The following PCED1B variants were observed in gnomAD, a reference collection of about 807,000 sequenced individuals.
PCED1B encodes PC-esterase domain-containing protein 1B.
For synonymous variants in PCED1B, 251 were observed against 246.1 expected, an observed-to-expected ratio of 1.02 and a Z score of -0.19; for missense variants, 573 against 573.9, an observed-to-expected ratio of 1.00 and a Z score of 0.02.
intron 2 of PCED1B, among the ~76,000 whole-genome samples, chr12:47,126,013 T>C (rs1012409701): frequency 9.2e-5 from 14 of 152,068 alleles, no homozygotes; most frequent in Admixed American, 8.5e-4. Context: ...TTTTTTCTTA[T>C]TGCATTGCTT....
chr12:47,199,863 T>C (rs1342368439), intron 2 of PCED1B, among the ~76,000 whole-genome samples: 3 of 152,184 alleles, frequency 2.0e-5, no homozygotes, highest in Non-Finnish European at 4.4e-5. Context: ...AAAGAAAAAT[T>C]GATAAGTGAG....
intron 2 of PCED1B, among the ~76,000 whole-genome samples, chr12:47,194,744 A>G (rs1412475787): frequency 1.3e-5 from 2 of 152,206 alleles, no homozygotes; most frequent in Non-Finnish European, 2.9e-5. Context: ...TGCTATTTAA[A>G]GAACAGACCT....
rs57346456 is a variant in PCED1B at position 47,154,779 on chromosome 12, A to G, written c.-526+50584A>G. The stretch of plus-strand genomic sequence containing the variant: ...GTAGGACAGAGGGGTGTGTGTGTGC[A>G]TGTGTGTGTGTGTGTGTGTGTGTGT... On this transcript the variant is annotated intron_variant, in intron 2 of 3. Coordinates refer to ENST00000546455, the MANE Select transcript of PCED1B (RefSeq NM_138371.3). Among the ~76,000 whole-genome samples, 380 of 146,722 alleles carry G rather than the reference A, an allele frequency of 2.6e-3. 1 individual carries two copies. Among genetic ancestry groups the G allele is most frequent in the Middle Eastern group, 0.011 (3 of 278 alleles).
At chr12:47,181,981 G>C (rs900763925) in intron 2 of PCED1B, among the ~76,000 whole-genome samples, 3 of 152,194 alleles carry the variant, frequency 2.0e-5, no homozygotes, top group Non-Finnish European at 2.9e-5. Flanking sequence ...AAGGCTGAAG[G>C]CTTCACAAAC....
At chr12:47,101,289 G>A (rs916738959) in intron 1 of PCED1B, among the ~76,000 whole-genome samples, 1 of 152,130 alleles carries the variant, frequency 6.6e-6, no homozygotes, top group East Asian at 1.9e-4. Flanking sequence ...TGGGGAGTGG[G>A]CAAGAGCACT....
intron 2 of PCED1B, among the ~76,000 whole-genome samples, chr12:47,125,355 A>C (rs1939842913): frequency 6.6e-6 from 1 of 151,894 alleles, no homozygotes; most frequent in African/African-American, 2.4e-5. Flanking sequence ...TGGTCTTGCT[A>C]TTCTGTTCTA....
At chr12:47,196,722 G>A (rs1246773857) in intron 2 of PCED1B, among the ~76,000 whole-genome samples, 1 of 152,106 alleles carries the variant, frequency 6.6e-6, no homozygotes, top group Admixed American at 6.6e-5. Flanking sequence ...CAGCTACTCA[G>A]GAGTTTGAGG....
At chr12:47,207,676 G>GTCC (rs1341046427) in intron 2 of PCED1B, among the ~76,000 whole-genome samples, 1 of 152,212 alleles carries the variant, frequency 6.6e-6, no homozygotes. Flanking sequence ...ACACAAATAT[G>GTCC]TAAGTATGCA....
chr12:47,222,083 A>G (rs1943493014), intron 3 of PCED1B, among the ~76,000 whole-genome samples: 1 of 144,846 alleles, frequency 6.9e-6, no homozygotes, highest in Non-Finnish European at 1.5e-5. Flanking sequence ...AGCCTGGGTG[A>G]CAGAGTGAGA....
chr12:47,217,456 GA>G (rs1422117062), intron 3 of PCED1B, among the ~76,000 whole-genome samples: 1 of 40,466 alleles, frequency 2.5e-5, no homozygotes, highest in Non-Finnish European at 4.2e-5. Flanking sequence ...AAGAAAGAAA[GA>G]AAAAGAAAGA....
At chr12:47,122,528 C>T (rs1939723026) in intron 2 of PCED1B, among the ~76,000 whole-genome samples, 1 of 152,198 alleles carries the variant, frequency 6.6e-6, no homozygotes, top group Non-Finnish European at 1.5e-5. Flanking sequence ...AAACATCTTG[C>T]AGCTGCTTAA....
intron 3 of PCED1B, among the ~76,000 whole-genome samples, chr12:47,217,477 A>AAAAAG (rs1491125026): frequency 0.022 from 2,454 of 110,620 alleles, 159 homozygotes; most frequent in East Asian, 0.06. Context: ...AAAGAGAAAG[A>AAAAAG]AAGAAAGAAA....
chr12:47,149,924 A>G (rs1294828335), intron 2 of PCED1B, among the ~76,000 whole-genome samples: 2 of 152,200 alleles, frequency 1.3e-5, no homozygotes, highest in Non-Finnish European at 2.9e-5. Context: ...AACAGCTAAA[A>G]CATCTTAAGA....
chr12:47,208,170 G>A lies in PCED1B; in HGVS notation c.-525-8052G>A, dbSNP rs139684189. On this transcript the variant is annotated intron_variant, in intron 2 of 3. Coordinates refer to ENST00000546455, the MANE Select transcript of PCED1B (RefSeq NM_138371.3). Reference sequence around the variant, plus strand: ...CTCTGAACCGGCTGCCCTTAGACACGTGCCTGAACTCAAAGCAGTCATACT... The same window carrying A: ...CTCTGAACCGGCTGCCCTTAGACACATGCCTGAACTCAAAGCAGTCATACT... Among the ~76,000 whole-genome samples the A allele has an allele frequency of 7.0e-4, 106 of 152,222 alleles. 4 individuals are homozygous for A. Among genetic ancestry groups the A allele is most frequent in the East Asian group, 5.8e-3 (30 of 5,180 alleles).
At chr12:47,105,114 G>A (rs1242613687) in intron 2 of PCED1B, among the ~76,000 whole-genome samples, 2 of 152,204 alleles carry the variant, frequency 1.3e-5, no homozygotes, top group Non-Finnish European at 2.9e-5. Flanking sequence ...TTCAGGCTGT[G>A]GACCTTACAA....
chr12:47,104,706 A>G (rs1378924963), intron 2 of PCED1B, among the ~76,000 whole-genome samples: 1 of 152,184 alleles, frequency 6.6e-6, no homozygotes, highest in African/African-American at 2.4e-5. Context: ...TCTTCTAATT[A>G]CTCTAAAAAG....
At chr12:47,231,613 G>A (rs1230824210) in intron 3 of PCED1B, among the ~76,000 whole-genome samples, 1 of 152,068 alleles carries the variant, frequency 6.6e-6, no homozygotes, top group African/African-American at 2.4e-5. Flanking sequence ...AAGCATCTTC[G>A]CTCAAAAATA....
chr12:47,137,830 G>A (rs1445746452), intron 2 of PCED1B, among the ~76,000 whole-genome samples: 7 of 151,968 alleles, frequency 4.6e-5, no homozygotes, highest in African/African-American at 1.5e-4. Context: ...CAAGGCTTAG[G>A]TAGTCCCAAA....
At chr12:47,234,568 C>T (rs1943911474) in intron 3 of PCED1B, among the ~76,000 whole-genome samples, 1 of 152,212 alleles carries the variant, frequency 6.6e-6, no homozygotes. Context: ...CACAAACATT[C>T]TCCATGTCCT....
Sources: gnomAD v4.1 joint callset for allele counts (sites outside exome capture counted in the v4.1 genomes callset) on GRCh38, gnomAD v4.1.1 for gene constraint, MANE v1.5 for transcripts, NCBI Gene and HGNC (gene_info 2026-07-23, HGNC 2026-07-21) for gene names.